MCF2L: variants seen among roughly 807,000 people sequenced by gnomAD.
The protein encoded by MCF2L is MCF.2 cell line derived transforming sequence like.
MCF2L carries 97 observed loss-of-function variants against 153.4 expected under a neutral mutation model. The ratio of observed to expected loss-of-function variants is 0.63; its 90% confidence interval spans 0.54 to 0.75. The LOEUF (loss-of-function observed/expected upper bound fraction) is 0.75. Among genes scored for constraint, MCF2L ranks in the 30% least tolerant of loss-of-function variants. MCF2L has a pLI of 0.00. For missense variants in MCF2L, 1,347 were observed against 1,495.2 expected, an observed-to-expected ratio of 0.90 and a Z score of 1.64; for synonymous variants, 659 against 632.2, an observed-to-expected ratio of 1.04 and a Z score of -0.64.
At chr13:113,016,587 G>C (rs116007811) in intron 2 of MCF2L, among the ~76,000 whole-genome samples, 2,453 of 152,236 alleles carry the variant, frequency 0.016, 66 homozygotes, top group African/African-American at 0.056. Flanking sequence ...TGGAATATAA[G>C]ATGGAGTCCC....
chr13:113,090,075 G>C (rs1010800619), intron 26 of MCF2L: 2 of 1,555,820 alleles, frequency 1.3e-6, no homozygotes, highest in Admixed American at 1.9e-5. Context: ...TAGATGACAC[G>C]GTCACTAGCT....
intron 4 of MCF2L, among the ~76,000 whole-genome samples, chr13:113,056,924 CGCTGAGTGGGT>C (rs1290734829): frequency 1.4e-4 from 8 of 56,650 alleles, no homozygotes; most frequent in Middle Eastern, 0.016. Flanking sequence ...AGTGTTTCGG[CGCTGAGTGGGT>C]GCTGAGTGGG....
At chr13:113,007,567 G>A (rs1171134083) in intron 1 of MCF2L, among the ~76,000 whole-genome samples, 1 of 152,234 alleles carries the variant, frequency 6.6e-6, no homozygotes, top group African/African-American at 2.4e-5. Flanking sequence ...TTCTAGAGTG[G>A]GGCAGCACTG....
At chr13:112,988,284 G>A (rs1254618045) in intron 1 of MCF2L, among the ~76,000 whole-genome samples, 2 of 152,080 alleles carry the variant, frequency 1.3e-5, no homozygotes, top group Non-Finnish European at 2.9e-5. Flanking sequence ...AGGTTGTTAA[G>A]CACCTTTGGG....
At chr13:112,920,834 A>C (rs2081344790) in intron 2 of MCF2L, among the ~76,000 whole-genome samples, 1 of 152,128 alleles carries the variant, frequency 6.6e-6, no homozygotes, top group Non-Finnish European at 1.5e-5. Flanking sequence ...CACAAAGAGC[A>C]GTGCAGCCAC....
chr13:112,922,988 G>A (rs1271413171), intron 2 of MCF2L, among the ~76,000 whole-genome samples: 1 of 152,222 alleles, frequency 6.6e-6, no homozygotes, highest in Non-Finnish European at 1.5e-5. Context: ...GCCTCTTTAT[G>A]TTAAAAGAAA....
At chr13:113,049,682 GC>G (rs1300871200) in intron 4 of MCF2L, among the ~76,000 whole-genome samples, 1 of 152,214 alleles carries the variant, frequency 6.6e-6, no homozygotes, top group African/African-American at 2.4e-5. Flanking sequence ...CCACCAGGGT[GC>G]CCAGCTCATG....
In MCF2L at chr13:113,005,710, C is replaced by T. The variant is rs1025916235; in HGVS notation, c.80-9053C>T. Among the ~76,000 whole-genome samples, 3 of 152,164 alleles carry T rather than the reference C, an allele frequency of 2.0e-5. No individual in the cohort carries two copies. The East Asian group carries it at 5.8e-4, about 29-fold the overall frequency. On this transcript the variant is annotated intron_variant, in intron 1 of 29. Coordinates refer to ENST00000535094, the MANE Select transcript of MCF2L (RefSeq NM_001112732.3). ...ACGCTGTATTTGTACCTGAGGTTTG[C>T]TGGGAGTGGATGTTGGGTATTCTAA...
intron 9 of MCF2L, among the ~76,000 whole-genome samples, chr13:113,073,804 A>G (rs1858478240): frequency 6.6e-6 from 1 of 152,234 alleles, no homozygotes; most frequent in East Asian, 1.9e-4. Context: ...AATCCCAGCT[A>G]CTTGGGAGGC....
At chr13:113,038,926 C>T (rs1480469459) in intron 3 of MCF2L, among the ~76,000 whole-genome samples, 4 of 152,166 alleles carry the variant, frequency 2.6e-5, no homozygotes, top group South Asian at 2.1e-4. Flanking sequence ...GGTGCTATCT[C>T]GGCTCACTGC....
At chr13:113,069,533 G>A (rs1018028254) in intron 8 of MCF2L, among the ~76,000 whole-genome samples, 4 of 76,344 alleles carry the variant, frequency 5.2e-5, no homozygotes, top group Admixed American at 1.3e-4. Context: ...GGCAGAGGTC[G>A]CAGTGAGCCG....
At chr13:113,026,280 A>G (rs2085298231) in intron 3 of MCF2L, among the ~76,000 whole-genome samples, 2 of 152,076 alleles carry the variant, frequency 1.3e-5, no homozygotes, top group Non-Finnish European at 2.9e-5. Flanking sequence ...AGGTTCCACC[A>G]TGGTGGGGTC....
intron 1 of MCF2L, among the ~76,000 whole-genome samples, chr13:112,974,854 A>T (rs1025731095): frequency 6.6e-6 from 1 of 152,216 alleles, no homozygotes; most frequent in Non-Finnish European, 1.5e-5. Flanking sequence ...CTGACTCATA[A>T]TTTAACCAAA....
intron 16 of MCF2L, 121 bp downstream of exon 16, chr13:113,081,400 C>T (rs977313897): frequency 1.3e-5 from 13 of 987,588 alleles, no homozygotes; most frequent in African/African-American, 6.5e-5. Flanking sequence ...TGTGAGAGAG[C>T]GCCCACAGCA....
upstream of MCF2L, chr13:112,965,135 C>CAA (rs1244919679): frequency 6.5e-6 from 1 of 152,778 alleles, no homozygotes; most frequent in Non-Finnish European, 1.5e-5. Flanking sequence ...AGTCCAGCAG[C>CAA]TCCTCCTCTT....
chr13:112,945,960 C>T (rs910621272), intron 2 of MCF2L, among the ~76,000 whole-genome samples: 2 of 152,254 alleles, frequency 1.3e-5, no homozygotes, highest in South Asian at 4.1e-4. Context: ...TGGCTTCAGA[C>T]AGGTGAGGAG....
chr13:113,066,725 C>T (rs558457341), intron 8 of MCF2L, among the ~76,000 whole-genome samples: 3 of 151,824 alleles, frequency 2.0e-5, no homozygotes, highest in African/African-American at 4.8e-5. Context: ...AGCCTCCCCC[C>T]GTCCCATCCT....
intron 16 of MCF2L, 98 bp downstream of exon 16, chr13:113,081,377 T>C: frequency 1.7e-6 from 2 of 1,211,176 alleles, no homozygotes; most frequent in South Asian, 2.8e-5. Flanking sequence ...CAGCCTGCTG[T>C]CCACCAAATG....
At chr13:112,975,943 T>G (rs2140867992) in intron 1 of MCF2L, among the ~76,000 whole-genome samples, 1 of 152,154 alleles carries the variant, frequency 6.6e-6, no homozygotes, top group Admixed American at 6.5e-5. Flanking sequence ...CCTCCCTCCC[T>G]CCTTCCACCC....
Sources: allele counts gnomAD v4.1 joint callset (sites outside exome capture counted in the v4.1 genomes callset), GRCh38; gene constraint gnomAD v4.1.1; transcripts MANE v1.5; gene names NCBI Gene and HGNC (gene_info 2026-07-23, HGNC 2026-07-21).